Variants in KIAA0586 observed in about 807,000 individuals in gnomAD.
KIAA0586 encodes the protein protein TALPID3.
Under a neutral mutation model 169.8 loss-of-function variants are expected in KIAA0586, and 144 were observed. That is an observed-to-expected ratio of 0.85 (90% CI 0.74 to 0.97). The LOEUF (loss-of-function observed/expected upper bound fraction) is 0.97, where lower values mean the gene tolerates loss of function less well. Among genes scored for constraint, KIAA0586 ranks in the 50% least tolerant of loss-of-function variants. The pLI, the probability that KIAA0586 is intolerant of heterozygous loss-of-function variation, is 0.00. For synonymous variants in KIAA0586, 625 were observed against 612.4 expected, an observed-to-expected ratio of 1.02 and a Z score of -0.30; for missense variants, 1,854 against 1,823.0, an observed-to-expected ratio of 1.02 and a Z score of -0.31.
At chr14:58,472,496 C>A (rs565447282) in intron 18 of KIAA0586, among the ~76,000 whole-genome samples, 3 of 151,922 alleles carry the variant, frequency 2.0e-5, no homozygotes, top group Non-Finnish European at 1.5e-5. Context: ...GATTATCTGC[C>A]GTTCCCCACC....
In KIAA0586 at chr14:58,460,989, CT is replaced by C; in HGVS notation, c.1892del (p.Leu631Ter). 1 of 1,589,734 alleles carries C rather than the reference CT, an allele frequency of 6.3e-7. No homozygotes were observed. ...SSLQKERKEG[L>X]LKATTVIQDE... is the part of the protein sequence containing the mutation. ...TTGAATAACTTTGTACACACAGGGG[CT>C]TTTGAAAGCAACCACAGTAATACAA... On this transcript the variant is annotated frameshift_variant, in exon 14 of 31. Transcript: ENST00000652326. LOFTEE classifies it high-confidence loss of function.
At position 58,502,849 on chromosome 14, in the gene KIAA0586, A is replaced by G. The variant is rs192631792; in HGVS notation, c.4168+3889A>G. ...TGACCACAGACTATAACTGTGGTCC[A>G]TAGATGAGAATCAACTATATATGCT... On this transcript the variant is annotated intron_variant, in intron 27 of 30. Coordinates refer to ENST00000652326, the MANE Select transcript of KIAA0586 (RefSeq NM_001329943.3). Among the ~76,000 whole-genome samples, 188 of 152,330 alleles carry G rather than the reference A, an allele frequency of 1.2e-3. 1 individual carries two copies. The highest frequency in any genetic ancestry group is 4.3e-3 in the African/African-American group (180 of 41,562).
chr14:58,481,215 G>A (rs1299464348), intron 20 of KIAA0586, among the ~76,000 whole-genome samples: 5 of 152,184 alleles, frequency 3.3e-5, no homozygotes, highest in African/African-American at 9.6e-5. Flanking sequence ...CTATAGTTGT[G>A]TTACTTAAGC....
intron 29 of KIAA0586, among the ~76,000 whole-genome samples, chr14:58,536,452 A>G (rs2046298417): frequency 6.6e-6 from 1 of 152,184 alleles, no homozygotes; most frequent in Non-Finnish European, 1.5e-5. Context: ...TATGAGCTCC[A>G]TCTATGTTGC....
Position 58,493,888 on chromosome 14 carries a change from G to A in KIAA0586, c.3990+1613G>A, listed in dbSNP as rs192831412. ...CGGGTGGAAAGGAGAGAGAAAGAGG[G>A]AGAGGGAAGAAGGGAGAGAGAATGA... On this transcript the variant is annotated intron_variant, in intron 26 of 30. Coordinates refer to ENST00000652326, the MANE Select transcript of KIAA0586 (RefSeq NM_001329943.3). Among the ~76,000 whole-genome samples, 187 of 152,178 alleles carry A rather than the reference G, an allele frequency of 1.2e-3. 1 individual carries two copies. Among genetic ancestry groups the A allele is most frequent in the African/African-American group, 3.4e-3 (140 of 41,534 alleles).
the KIAA0586 span, among the ~76,000 whole-genome samples, chr14:58,559,646 A>T: frequency 2.0e-5 from 3 of 152,172 alleles, no homozygotes; most frequent in African/African-American, 7.2e-5. Context: ...TCCTCTGTCC[A>T]TCACCAATCT....
chr14:58,558,893 T>C, the KIAA0586 span, among the ~76,000 whole-genome samples: 1 of 152,230 alleles, frequency 6.6e-6, no homozygotes, highest in Admixed American at 6.5e-5. Flanking sequence ...GCCCCTGATA[T>C]CTCTTCAGGT....
At chr14:58,494,726 A>G (rs1167996321) in intron 26 of KIAA0586, among the ~76,000 whole-genome samples, 1 of 152,106 alleles carries the variant, frequency 6.6e-6, no homozygotes, top group African/African-American at 2.4e-5. Context: ...TTTGTAATCC[A>G]CTAGTCCTGG....
intron 29 of KIAA0586, chr14:58,536,987 G>A (rs1226164091): frequency 2.4e-6 from 3 of 1,262,794 alleles, no homozygotes; most frequent in Middle Eastern, 2.1e-4. Flanking sequence ...TTCAATACCA[G>A]TATTATGTTT....
At chr14:58,500,863 A>G (rs973067383) in intron 27 of KIAA0586, among the ~76,000 whole-genome samples, 2 of 152,222 alleles carry the variant, frequency 1.3e-5, no homozygotes, top group African/African-American at 4.8e-5. Flanking sequence ...TGTTTACAGT[A>G]TGAGAGCTGG....
Position 58,428,435 on chromosome 14 carries a change from G to C in KIAA0586, c.171G>C (p.Thr57=), listed in dbSNP as rs372659413. ...LSANKRLPVG[T]GTSLNGTSRG... is the part of the protein sequence containing the mutation. ...CAAATAAACGTCTTCCTGTTGGAAC[G>C]GGGACTAGTTTGAATGGAACATCAC... Residue 57 remains threonine (T), a synonymous_variant, in exon 1 of 31, where the codon ACG becomes ACC. Transcript: ENST00000652326. 1.9e-6 allele frequency: 3 copies of C among 1,613,674 alleles called. No homozygotes were observed. Among genetic ancestry groups the C allele is most frequent in the Non-Finnish European group, 2.5e-6 (3 of 1,179,616 alleles).
chr14:58,445,839 G>A (rs545714090), intron 6 of KIAA0586, among the ~76,000 whole-genome samples: 10 of 130,590 alleles, frequency 7.7e-5, no homozygotes, highest in East Asian at 4.5e-4. Context: ...TAAATGTGTT[G>A]GTTTTAATTT....
chr14:58,444,078 A>G lies in KIAA0586; in HGVS notation c.710A>G (p.Lys237Arg), dbSNP rs768284832. Residue 237 changes from lysine (K) to arginine (R), a missense_variant, in exon 6 of 31, where the codon AAA becomes AGA. Coordinates refer to ENST00000652326, the MANE Select transcript of KIAA0586 (RefSeq NM_001329943.3). ...ACAAGCATTCAGAGGAAACAAGAGA[A>G]ATTACATTGTCATGATCACGAAAAG... Reference protein sequence around the residue: ...QQTSIQRKQEKLHCHDHEKQM... With the variant: ...QQTSIQRKQERLHCHDHEKQM... 1.9e-6 allele frequency: 3 copies of G among 1,613,742 alleles called. No individual in the cohort carries two copies. Among genetic ancestry groups the G allele is most frequent in the Non-Finnish European group, 2.5e-6 (3 of 1,179,732 alleles).
chr14:58,554,056 T>C (rs2047231298), downstream of KIAA0586, among the ~76,000 whole-genome samples: 1 of 151,852 alleles, frequency 6.6e-6, no homozygotes, highest in African/African-American at 2.4e-5. Context: ...CTGGGTCATG[T>C]GTCTCTCATT....
At chr14:58,480,812 T>A (rs1208601570) in intron 20 of KIAA0586, among the ~76,000 whole-genome samples, 1 of 152,198 alleles carries the variant, frequency 6.6e-6, no homozygotes, top group African/African-American at 2.4e-5. Flanking sequence ...CTATCCCAGT[T>A]TTCTCTCGTC....
At chr14:58,468,684 T>C (rs2040966223) in intron 16 of KIAA0586, among the ~76,000 whole-genome samples, 1 of 152,214 alleles carries the variant, frequency 6.6e-6, no homozygotes, top group South Asian at 2.1e-4. Flanking sequence ...TCACTAGGTC[T>C]GGACAAAGGT....
intron 29 of KIAA0586, among the ~76,000 whole-genome samples, chr14:58,526,541 C>A (rs184669837): frequency 6.6e-6 from 1 of 152,270 alleles, no homozygotes; most frequent in African/African-American, 2.4e-5. Flanking sequence ...CACGCAGAAA[C>A]CCCATCTGAA....
At chr14:58,531,338 A>AAT (rs1555404891) in intron 29 of KIAA0586, among the ~76,000 whole-genome samples, 20 of 147,020 alleles carry the variant, frequency 1.4e-4, no homozygotes, top group East Asian at 1.2e-3. Flanking sequence ...AAAAAAAAAA[A>AAT]AAATAAAATA....
chr14:58,504,789 G>A lies in KIAA0586; in HGVS notation c.4169-3766G>A, dbSNP rs78890961. Among the ~76,000 whole-genome samples the A allele has an allele frequency of 3.2e-3, 480 of 152,116 alleles. 4 individuals carry two copies. The highest frequency in any genetic ancestry group is 0.023 in the East Asian group (118 of 5,172). ...TCAGCACTGTTATGATTGCTGTCAG[G>A]GAATCCTTTCCTGACCCTTATCACT... is the stretch of plus-strand genomic sequence containing the variant. On this transcript the variant is annotated intron_variant, in intron 27 of 30. Transcript: ENST00000652326.
Sources: gnomAD v4.1 joint callset for allele counts (sites outside exome capture counted in the v4.1 genomes callset) on GRCh38, gnomAD v4.1.1 for gene constraint, MANE v1.5 for transcripts, NCBI Gene and HGNC (gene_info 2026-07-23, HGNC 2026-07-21) for gene names.